SH3KBP1: variants seen among roughly 807,000 people sequenced by gnomAD.
The protein encoded by SH3KBP1 is SH3 domain-containing kinase-binding protein 1.
Under a neutral mutation model 50.1 loss-of-function variants are expected in SH3KBP1, and 8 were observed. The observed-to-expected ratio is 0.16, with a 90% confidence interval of 0.09 to 0.29. SH3KBP1 has a LOEUF of 0.29. Among genes scored for constraint, SH3KBP1 ranks in the 10% least tolerant of loss-of-function variants. The pLI is 1.00. For synonymous variants in SH3KBP1, 227 were observed against 218.6 expected, an observed-to-expected ratio of 1.04 and a Z score of -0.34; for missense variants, 377 against 535.2, an observed-to-expected ratio of 0.70 and a Z score of 2.92.
Position 19,605,005 on chromosome X carries a change from C to T in SH3KBP1, c.1005+2933G>A, listed in dbSNP as rs973343138. 4.5e-5 allele frequency among the ~76,000 whole-genome samples: 5 copies of T among 111,323 alleles called. No individual in the cohort carries two copies. The South Asian group carries it at 1.9e-3, about 42-fold the overall frequency. ...GGGGATTAGAGAGATGCCCATGGGG[C>T]CCCAGAGAGCGTGCATGTCCCAAAG... is the stretch of plus-strand genomic sequence containing the variant. On this transcript the variant is annotated intron_variant, in intron 9 of 17. Transcript: ENST00000397821.
chrX:19,828,206 A>T (rs907152538), intron 2 of SH3KBP1, among the ~76,000 whole-genome samples: 2 of 110,839 alleles, frequency 1.8e-5, no homozygotes, highest in Non-Finnish European at 3.8e-5. Context: ...CTAAGACATG[A>T]ACCAGTTTTG....
Position 19,887,389 on chromosome X carries a change from G to T in SH3KBP1, c.-79C>A, listed in dbSNP as rs1470643490. ...GCGTGGGGGTTGGGGCGCCGGGATCGGGGCGCTGGGATCCAGGCGCGAGGG... is the reference window on the plus strand; with the variant it reads ...GCGTGGGGGTTGGGGCGCCGGGATCTGGGCGCTGGGATCCAGGCGCGAGGG... On this transcript the variant is annotated 5_prime_UTR_variant, in exon 1 of 18. Transcript: ENST00000397821. The T allele has an allele frequency of 6.0e-6, 5 of 827,867 alleles. No individual in the cohort carries two copies. The highest frequency in any genetic ancestry group is 1.2e-4 in the Admixed American group (2 of 16,389). 68.2% of individuals were successfully genotyped at this position (827,867 alleles called of 1,213,427 possible). A position where few individuals can be genotyped will look rare whatever the true frequency, so the allele number is the denominator to read the frequency against.
intron 5 of SH3KBP1, among the ~76,000 whole-genome samples, chrX:19,692,667 GTGTA>G (rs1411054156): frequency 1.2e-5 from 1 of 82,409 alleles, no homozygotes; most frequent in Admixed American, 1.3e-4. Context: ...GTGTGTGTGT[GTGTA>G]TGTATATATA....
Position 19,713,330 on chromosome X carries a change from T to C in SH3KBP1, c.287-6346A>G, listed in dbSNP as rs182959543. Among the ~76,000 whole-genome samples, 306 of 110,541 alleles carry C rather than the reference T, an allele frequency of 2.8e-3. 1 individual carries two copies. The highest frequency in any genetic ancestry group is 3.0e-3 in the Non-Finnish European group (156 of 52,772). ...CAGGCTGGAGTACAGTGGTGTGATC[T>C]TGGCTCACTGCAGCCTTGACCTCCC... On this transcript the variant is annotated intron_variant, in intron 3 of 17. Transcript: ENST00000397821.
At chrX:19,773,540 C>T (rs953273236) in intron 2 of SH3KBP1, among the ~76,000 whole-genome samples, 6 of 109,182 alleles carry the variant, frequency 5.5e-5, no homozygotes, top group Middle Eastern at 4.7e-3. Context: ...CACACACAGA[C>T]ACACACACAC....
At chrX:19,633,716 C>G (rs1441216315) in intron 7 of SH3KBP1, among the ~76,000 whole-genome samples, 1 of 111,784 alleles carries the variant, frequency 8.9e-6, no homozygotes, top group Non-Finnish European at 1.9e-5. Flanking sequence ...AAAGAAAGAA[C>G]AGGTCATGTT....
chrX:19,548,004 T>C (rs1463588051), intron 14 of SH3KBP1, among the ~76,000 whole-genome samples: 1 of 113,053 alleles, frequency 8.8e-6, no homozygotes, highest in Non-Finnish European at 1.9e-5. Flanking sequence ...TCACTTCATA[T>C]AAAATGCCAA....
intron 6 of SH3KBP1, 152 bp downstream of exon 6, chrX:19,683,671 G>A: frequency 2.0e-6 from 1 of 495,595 alleles, no homozygotes; most frequent in Admixed American, 3.4e-5. Flanking sequence ...CCACACAGAG[G>A]GAGAGCTAAA....
chrX:19,715,265 C>A (rs1315061695), intron 3 of SH3KBP1, among the ~76,000 whole-genome samples: 2 of 97,286 alleles, frequency 2.1e-5, no homozygotes, highest in East Asian at 3.1e-4. Context: ...CAGAGTGAGA[C>A]CTTGTCTCCA....
At chrX:19,882,977 T>C (rs1237199632) in intron 1 of SH3KBP1, among the ~76,000 whole-genome samples, 1 of 112,181 alleles carries the variant, frequency 8.9e-6, no homozygotes, top group African/African-American at 3.2e-5. Context: ...TCTAAGGTAA[T>C]GAGTCACTTA....
chrX:19,625,105 G>T (rs2067973285), intron 8 of SH3KBP1, among the ~76,000 whole-genome samples: 1 of 112,217 alleles, frequency 8.9e-6, no homozygotes, highest in South Asian at 3.7e-4. Context: ...GCCAAGCTAA[G>T]GATCTTGCTT....
chrX:19,790,856 A>C (rs1010212466), intron 2 of SH3KBP1, among the ~76,000 whole-genome samples: 1 of 111,158 alleles, frequency 9.0e-6, no homozygotes, highest in African/African-American at 3.3e-5. Context: ...ACATGTCACA[A>C]CCTCTTTAGT....
chrX:19,883,842 A>C (rs766124300), intron 1 of SH3KBP1, among the ~76,000 whole-genome samples: 1 of 111,498 alleles, frequency 9.0e-6, no homozygotes, highest in Non-Finnish European at 1.9e-5. Context: ...CCTGCCTCCA[A>C]TGTTCCCTGC....
At chrX:19,714,509 T>TAA (rs35440552) in intron 3 of SH3KBP1, among the ~76,000 whole-genome samples, 1 of 108,789 alleles carries the variant, frequency 9.2e-6, no homozygotes, top group Admixed American at 9.8e-5. Context: ...AAAATTTATT[T>TAA]AAAAAAAAGA....
chrX:19,883,019 G>C (rs992610304), intron 1 of SH3KBP1, among the ~76,000 whole-genome samples: 1 of 112,304 alleles, frequency 8.9e-6, no homozygotes, highest in Non-Finnish European at 1.9e-5. Flanking sequence ...ACTTATAATA[G>C]TCTTATGAAC....
chrX:19,810,295 C>T (rs2067167310), intron 2 of SH3KBP1, among the ~76,000 whole-genome samples: 1 of 112,366 alleles, frequency 8.9e-6, no homozygotes, highest in African/African-American at 3.2e-5. Context: ...CTTGTACGTT[C>T]CATTTAAAAG....
At chrX:19,615,570 C>T (rs1160524362) in intron 8 of SH3KBP1, among the ~76,000 whole-genome samples, 2 of 111,915 alleles carry the variant, frequency 1.8e-5, no homozygotes, top group Admixed American at 1.9e-4. Flanking sequence ...GGCTATTGAG[C>T]GAAAGTTCCA....
intron 3 of SH3KBP1, among the ~76,000 whole-genome samples, chrX:19,745,460 T>C (rs1050278087): frequency 8.9e-6 from 1 of 112,287 alleles, no homozygotes; most frequent in Admixed American, 9.4e-5. Context: ...CCCATGGTTA[T>C]ATAAACTTGC....
chrX:19,585,238 AT>A (rs1366486324), intron 12 of SH3KBP1, among the ~76,000 whole-genome samples: 2 of 111,558 alleles, frequency 1.8e-5, no homozygotes, highest in Non-Finnish European at 3.8e-5. Flanking sequence ...AATGTACTAA[AT>A]GTACGGAGGC....
Sources: allele counts gnomAD v4.1 joint callset (sites outside exome capture counted in the v4.1 genomes callset), GRCh38; gene constraint gnomAD v4.1.1; transcripts MANE v1.5; gene names NCBI Gene and HGNC (gene_info 2026-07-23, HGNC 2026-07-21).